TBC1D23: variants seen among roughly 807,000 people sequenced by gnomAD.
TBC1D23 encodes HCV non-structural protein 4A-transactivated protein 1.
TBC1D23 carries 55 observed loss-of-function variants against 91.4 expected under a neutral mutation model. That is an observed-to-expected ratio of 0.60 (90% CI 0.48 to 0.75). The LOEUF (loss-of-function observed/expected upper bound fraction) is 0.75, where lower values mean the gene tolerates loss of function less well. Ranked by LOEUF, TBC1D23 falls within the 30% of genes least tolerant of loss-of-function variation. TBC1D23 has a pLI of 0.00. For synonymous variants in TBC1D23, 289 were observed against 281.0 expected (o/e 1.03, Z -0.28); for missense variants, 725 against 836.1 (o/e 0.87, Z 1.64).
intron 1 of TBC1D23, among the ~76,000 whole-genome samples, chr3:100,268,134 C>T (rs1291253735): frequency 6.6e-6 from 1 of 152,038 alleles, no homozygotes; most frequent in African/African-American, 2.4e-5. Flanking sequence ...CACACCAAGC[C>T]TGGTGACAGA....
chr3:100,311,500 T>G (rs1449206235), intron 14 of TBC1D23, among the ~76,000 whole-genome samples: 1 of 152,232 alleles, frequency 6.6e-6, no homozygotes, highest in African/African-American at 2.4e-5. Context: ...TAAAGTTATG[T>G]CTTCTCAAAA....
intron 8 of TBC1D23, among the ~76,000 whole-genome samples, chr3:100,296,893 G>A (rs1344360285): frequency 1.3e-5 from 2 of 151,376 alleles, no homozygotes; most frequent in African/African-American, 4.8e-5. Flanking sequence ...TATTACAGTA[G>A]TAATCCAGTG....
intron 2 of TBC1D23, among the ~76,000 whole-genome samples, chr3:100,280,696 A>G (rs2067686706): frequency 6.6e-6 from 1 of 152,226 alleles, no homozygotes; most frequent in African/African-American, 2.4e-5. Flanking sequence ...GCAAAAGTGT[A>G]GAACTTGTAT....
chr3:100,316,872 A>C (rs1163047810), intron 16 of TBC1D23, among the ~76,000 whole-genome samples: 1 of 152,088 alleles, frequency 6.6e-6, no homozygotes, highest in Non-Finnish European at 1.5e-5. Context: ...CGGGCGGATC[A>C]CTTGAGGTCA....
intron 11 of TBC1D23, 23 bp from the exon 12 acceptor site, chr3:100,304,823 T>C (rs1156395170): frequency 7.8e-7 from 1 of 1,276,630 alleles, no homozygotes; most frequent in South Asian, 1.2e-5. Flanking sequence ...TTGGAAGAAT[T>C]TAAATTTTCT....
intron 15 of TBC1D23, among the ~76,000 whole-genome samples, chr3:100,314,822 A>AT (rs1047542059): frequency 1.1e-4 from 17 of 152,114 alleles, no homozygotes; most frequent in South Asian, 4.2e-4. Context: ...ATGTAACTTG[A>AT]TTTTTTCTCA....
intron 17 of TBC1D23, 21 bp downstream of exon 17, chr3:100,319,225 A>G: frequency 6.3e-7 from 1 of 1,586,328 alleles, no homozygotes; most frequent in East Asian, 2.2e-5. Context: ...AAATGTCTTC[A>G]TAAGAAGTAA....
intron 5 of TBC1D23, among the ~76,000 whole-genome samples, chr3:100,294,667 A>G (rs1359157597): frequency 6.6e-6 from 1 of 152,192 alleles, no homozygotes; most frequent in Non-Finnish European, 1.5e-5. Context: ...GATCCTCACA[A>G]TTACCTTGTA....
intron 7 of TBC1D23, 115 bp from the exon 8 acceptor site, chr3:100,296,057 C>G: frequency 1.9e-6 from 1 of 513,904 alleles, no homozygotes; most frequent in Non-Finnish European, 3.4e-6. Flanking sequence ...TGTAAAAGCA[C>G]CAGTGTTGAG....
chr3:100,315,995 G>T (rs1189483505), intron 15 of TBC1D23, 104 bp from the exon 16 acceptor site: 8 of 908,492 alleles, frequency 8.8e-6, no homozygotes, highest in Non-Finnish European at 1.4e-5. Context: ...GGGGGGTCAG[G>T]TAAGGAATAA....
chr3:100,261,009 G>A lies in TBC1D23; in HGVS notation c.-10G>A. On this transcript the variant is annotated 5_prime_UTR_variant, in exon 1 of 19. Transcript: ENST00000394144. Reference sequence around the variant, plus strand: ...CACTTTTCGGCAAAGTGACGTGGACGTCAACAGCAATGGCGGAAGGAGAAG... The same window carrying A: ...CACTTTTCGGCAAAGTGACGTGGACATCAACAGCAATGGCGGAAGGAGAAG... 1 of 1,613,512 alleles carries A rather than the reference G, an allele frequency of 6.2e-7. No homozygotes were observed. Among genetic ancestry groups the A allele is most frequent in the Admixed American group, 1.7e-5 (1 of 60,024 alleles).
chr3:100,277,400 G>T (rs565839787), intron 1 of TBC1D23, among the ~76,000 whole-genome samples: 1 of 152,274 alleles, frequency 6.6e-6, no homozygotes, highest in East Asian at 1.9e-4. Flanking sequence ...GTCTTCAAAG[G>T]AGCCCTTGCT....
At chr3:100,309,658 C>T (rs1705587562) in intron 13 of TBC1D23, among the ~76,000 whole-genome samples, 2 of 139,078 alleles carry the variant, frequency 1.4e-5, no homozygotes, top group South Asian at 4.7e-4. Context: ...GTCGCGCAGA[C>T]TGGAGTGCAG....
intron 4 of TBC1D23, among the ~76,000 whole-genome samples, chr3:100,284,496 G>T (rs1270448830): frequency 6.6e-6 from 1 of 152,124 alleles, no homozygotes; most frequent in Non-Finnish European, 1.5e-5. Flanking sequence ...AGAAATATAG[G>T]CATTGAACAA....
chr3:100,268,257 A>G (rs1485653777), intron 1 of TBC1D23, among the ~76,000 whole-genome samples: 2 of 152,094 alleles, frequency 1.3e-5, no homozygotes, highest in East Asian at 3.9e-4. Flanking sequence ...GATGCAAAAG[A>G]TTTATTCATC....
chr3:100,266,170 T>C (rs896072838), intron 1 of TBC1D23, among the ~76,000 whole-genome samples: 3 of 152,182 alleles, frequency 2.0e-5, no homozygotes, highest in African/African-American at 4.8e-5. Flanking sequence ...TTTTGTAAAC[T>C]ATAATTAGAG....
At chr3:100,281,542 A>G (rs1459537572) in intron 2 of TBC1D23, among the ~76,000 whole-genome samples, 200 bp from the exon 3 acceptor site, 1 of 152,226 alleles carries the variant, frequency 6.6e-6, no homozygotes, top group Non-Finnish European at 1.5e-5. Flanking sequence ...ATCAACATGA[A>G]GAAATATCTA....
intron 4 of TBC1D23, among the ~76,000 whole-genome samples, chr3:100,288,908 A>G (rs62281678): frequency 6.6e-6 from 1 of 152,188 alleles, no homozygotes; most frequent in Non-Finnish European, 1.5e-5. Context: ...TTTTAACTGT[A>G]CGGGTTAAAA....
intron 4 of TBC1D23, among the ~76,000 whole-genome samples, chr3:100,286,434 A>G (rs1214529124): frequency 2.0e-5 from 3 of 152,042 alleles, no homozygotes; most frequent in African/African-American, 7.2e-5. Context: ...CAGGGCCAGC[A>G]TTAATAGCCC....
Sources: allele counts gnomAD v4.1 joint callset (sites outside exome capture counted in the v4.1 genomes callset), GRCh38; gene constraint gnomAD v4.1.1; transcripts MANE v1.5; gene names NCBI Gene and HGNC (gene_info 2026-07-23, HGNC 2026-07-21).